The following CTTNBP2 variants were observed in gnomAD, a reference collection of about 807,000 sequenced individuals.
The protein encoded by CTTNBP2 is cortactin binding protein 2.
CTTNBP2 carries 108 observed loss-of-function variants against 156.9 expected under a neutral mutation model. The observed-to-expected ratio is 0.69, with a 90% CI of 0.59 to 0.81. The LOEUF (loss-of-function observed/expected upper bound fraction) is 0.81, where lower values mean the gene tolerates loss of function less well. Among genes scored for constraint, CTTNBP2 ranks in the 30% least tolerant of loss-of-function variants. The pLI is 0.00. For synonymous variants in CTTNBP2, 767 were observed against 751.8 expected (o/e 1.02, Z -0.33); for missense variants, 1,924 against 2,035.4 (o/e 0.95, Z 1.05).
At position 117,832,405 on chromosome 7, in the gene CTTNBP2, C is replaced by A. The variant is rs892139740; in HGVS notation, c.190-21416G>T. ...GCTGATAAGAGGGACTGCCCTAAAA[C>A]GTAGGTCTAAGGTATTACCGTATTT... On this transcript the variant is annotated intron_variant, in intron 2 of 22. Coordinates refer to ENST00000160373, the MANE Select transcript of CTTNBP2 (RefSeq NM_033427.3). 5.3e-5 allele frequency among the ~76,000 whole-genome samples: 8 copies of A among 152,232 alleles called. No individual in the cohort carries two copies. The South Asian group carries it at 1.5e-3, about 28-fold the overall frequency.
intron 2 of CTTNBP2, among the ~76,000 whole-genome samples, chr7:117,821,276 T>C (rs1385791918): frequency 6.6e-6 from 1 of 152,112 alleles, no homozygotes; most frequent in Non-Finnish European, 1.5e-5. Flanking sequence ...AAGTGCTAAG[T>C]GCTTTTCTTA....
intron 14 of CTTNBP2, among the ~76,000 whole-genome samples, chr7:117,741,614 G>A (rs1478218949): frequency 6.6e-6 from 1 of 152,212 alleles, no homozygotes; most frequent in Non-Finnish European, 1.5e-5. Flanking sequence ...GAAGGGTATA[G>A]AAGGATTTTT....
chr7:117,824,222 T>G (rs1310485802), intron 2 of CTTNBP2, among the ~76,000 whole-genome samples: 1 of 152,134 alleles, frequency 6.6e-6, no homozygotes, highest in Non-Finnish European at 1.5e-5. Flanking sequence ...TTTCTTACCT[T>G]AAAATACATA....
chr7:117,731,654 A>G (rs912862955), intron 16 of CTTNBP2, among the ~76,000 whole-genome samples: 1 of 152,210 alleles, frequency 6.6e-6, no homozygotes, highest in South Asian at 2.1e-4. Flanking sequence ...GGTGTGCCAC[A>G]AAGTGAGGAT....
chr7:117,760,285 T>C (rs1220043429), intron 10 of CTTNBP2, 150 bp downstream of exon 10: 8 of 672,420 alleles, frequency 1.2e-5, no homozygotes, highest in African/African-American at 5.4e-5. Flanking sequence ...AATGGCTACA[T>C]TGTGAATACT....
intron 14 of CTTNBP2, among the ~76,000 whole-genome samples, chr7:117,736,410 T>C (rs936881713): frequency 2.0e-5 from 3 of 151,888 alleles, no homozygotes; most frequent in Admixed American, 2.0e-4. Context: ...ACTGCATTGC[T>C]GCCTGGGCAA....
At chr7:117,734,137 G>A (rs555653793) in intron 16 of CTTNBP2, among the ~76,000 whole-genome samples, 1 of 152,282 alleles carries the variant, frequency 6.6e-6, no homozygotes, top group South Asian at 2.1e-4. Context: ...GACCTGAGAC[G>A]TTGGACACCT....
At chr7:117,836,381 G>A (rs1801936314) in intron 2 of CTTNBP2, among the ~76,000 whole-genome samples, 3 of 152,138 alleles carry the variant, frequency 2.0e-5, no homozygotes, top group Admixed American at 6.5e-5. Context: ...TGGCTAACAC[G>A]ACGAAACCCT....
chr7:117,828,259 GA>G (rs1429948347), intron 2 of CTTNBP2, among the ~76,000 whole-genome samples: 1 of 152,180 alleles, frequency 6.6e-6, no homozygotes, highest in Non-Finnish European at 1.5e-5. Context: ...GAGGCTGACA[GA>G]AAAGGATCAT....
chr7:117,738,126 C>G (rs1055055663), intron 14 of CTTNBP2, among the ~76,000 whole-genome samples: 6 of 152,180 alleles, frequency 3.9e-5, no homozygotes, highest in African/African-American at 1.2e-4. Flanking sequence ...TCCTGAGCTG[C>G]AGGAATCGCT....
At chr7:117,741,612 T>C (rs886644641) in intron 14 of CTTNBP2, among the ~76,000 whole-genome samples, 2 of 152,244 alleles carry the variant, frequency 1.3e-5, no homozygotes, top group Non-Finnish European at 2.9e-5. Flanking sequence ...ATGAAGGGTA[T>C]AGAAGGATTT....
At chr7:117,866,512 T>C (rs754420155) in intron 1 of CTTNBP2, among the ~76,000 whole-genome samples, 35 of 152,128 alleles carry the variant, frequency 2.3e-4, no homozygotes, top group Non-Finnish European at 4.4e-4. Flanking sequence ...TCTTCCAATT[T>C]AAAATCCAGC....
intron 1 of CTTNBP2, among the ~76,000 whole-genome samples, chr7:117,862,860 G>C (rs922777484): frequency 1.3e-5 from 2 of 152,178 alleles, no homozygotes; most frequent in African/African-American, 2.4e-5. Flanking sequence ...GATATATGCA[G>C]ATCATGCAAC....
Position 117,772,759 on chromosome 7 carries a change from A to G in CTTNBP2, c.2778+4752T>C, listed in dbSNP as rs1296375915. 2.6e-5 allele frequency among the ~76,000 whole-genome samples: 4 copies of G among 152,174 alleles called. No individual in the cohort carries two copies. The East Asian group carries it at 5.8e-4, about 22-fold the overall frequency. Reference sequence around the variant, plus strand: ...ATAGATTATATTCTGCGGATCAACAAGATCATTCAAGTGAGAAAGTTCAGA... The same window carrying G: ...ATAGATTATATTCTGCGGATCAACAGGATCATTCAAGTGAGAAAGTTCAGA... On this transcript the variant is annotated intron_variant, in intron 8 of 22. Transcript: ENST00000160373.
At chr7:117,802,777 A>T (rs1033565613) in intron 3 of CTTNBP2, among the ~76,000 whole-genome samples, 1 of 152,204 alleles carries the variant, frequency 6.6e-6, no homozygotes, top group Non-Finnish European at 1.5e-5. Flanking sequence ...AACAAACATG[A>T]AACAATGCTC....
chr7:117,838,204 A>G (rs1802063913), intron 2 of CTTNBP2, among the ~76,000 whole-genome samples: 1 of 152,236 alleles, frequency 6.6e-6, no homozygotes, highest in South Asian at 2.1e-4. Context: ...ACCCTCCCCA[A>G]GTAGCAGAGC....
chr7:117,831,574 T>C (rs1008184654), intron 2 of CTTNBP2, among the ~76,000 whole-genome samples: 2 of 152,300 alleles, frequency 1.3e-5, no homozygotes, highest in African/African-American at 2.4e-5. Context: ...ATCTGTGCTC[T>C]TTCTAAAGTA....
intron 16 of CTTNBP2, 65 bp downstream of exon 16, chr7:117,734,848 C>T (rs1795590895): frequency 7.5e-7 from 1 of 1,329,104 alleles, no homozygotes; most frequent in Admixed American, 2.4e-5. Context: ...GGAACTCAAG[C>T]TGAGATCTCC....
intron 3 of CTTNBP2, among the ~76,000 whole-genome samples, chr7:117,800,421 G>A (rs2116909377): frequency 6.6e-6 from 1 of 152,044 alleles, no homozygotes; most frequent in Middle Eastern, 3.4e-3. Context: ...TTGGTGGGGT[G>A]GGGGATGCAC....
Sources: gnomAD v4.1 joint callset for allele counts (sites outside exome capture counted in the v4.1 genomes callset) on GRCh38, gnomAD v4.1.1 for gene constraint, MANE v1.5 for transcripts, NCBI Gene and HGNC (gene_info 2026-07-23, HGNC 2026-07-21) for gene names.